Variants in MME observed in about 807,000 individuals in gnomAD.
MME encodes neprilysin.
In MME, 98 loss-of-function variants were observed where a neutral mutation model predicts 113.2. The observed-to-expected ratio is 0.87, with a 90% CI of 0.74 to 1.02. MME has a LOEUF of 1.02. Ranked by LOEUF, MME falls within the 50% of genes least tolerant of loss-of-function variation. The pLI is 0.00. For synonymous variants in MME, 292 were observed against 300.6 expected (o/e 0.97, Z 0.30); for missense variants, 836 against 896.0 (o/e 0.93, Z 0.86).
At chr3:155,095,787 C>T (rs894156177) in intron 3 of MME, among the ~76,000 whole-genome samples, 2 of 152,094 alleles carry the variant, frequency 1.3e-5, no homozygotes, top group African/African-American at 4.8e-5. Flanking sequence ...AAATGAAAAC[C>T]TGGTCAGTGT....
rs1159044354 is a variant in MME, at chr3:155,170,364, C to T, written c.1980+1567C>T. Among the ~76,000 whole-genome samples, 3 of 152,142 alleles carry T rather than the reference C, an allele frequency of 2.0e-5. No homozygotes were observed. In the East Asian group the frequency reaches 5.8e-4, roughly 29 times the overall value. On this transcript the variant is annotated intron_variant, in intron 20 of 22. Transcript: ENST00000360490. Reference sequence around the variant, plus strand: ...CTGACCGCATTTTACCTCTTTGGGTCTGGATGTTCTTTTGTTCCTGTAAAT... The same window carrying T: ...CTGACCGCATTTTACCTCTTTGGGTTTGGATGTTCTTTTGTTCCTGTAAAT...
intron 6 of MME, 45 bp from the exon 7 acceptor site, chr3:155,116,823 T>C (rs775942102): frequency 5.8e-6 from 9 of 1,554,094 alleles, no homozygotes; most frequent in East Asian, 2.2e-5. Context: ...ATATCATTAG[T>C]GAACTAAAGC....
chr3:155,032,337 G>C (rs1289354612), intron 1 of MME, among the ~76,000 whole-genome samples: 1 of 152,114 alleles, frequency 6.6e-6, no homozygotes, highest in African/African-American at 2.4e-5. Context: ...TTTTTAAAAA[G>C]AAGTTGTTTC....
intron 1 of MME, among the ~76,000 whole-genome samples, chr3:155,038,403 A>C (rs1440339821): frequency 6.6e-6 from 1 of 150,622 alleles, no homozygotes; most frequent in Non-Finnish European, 1.5e-5. Context: ...AGTGTCTAGG[A>C]CCTTGCTGGT....
intron 9 of MME, among the ~76,000 whole-genome samples, chr3:155,139,649 G>A (rs1247933626): frequency 1.3e-5 from 2 of 152,158 alleles, no homozygotes; most frequent in Non-Finnish European, 2.9e-5. Flanking sequence ...CAGTCACAAA[G>A]GTCCATGATG....
At chr3:155,139,301 CTCTTGTATTAGAT>C (rs1398940938) in intron 9 of MME, among the ~76,000 whole-genome samples, 1 of 152,136 alleles carries the variant, frequency 6.6e-6, no homozygotes, top group African/African-American at 2.4e-5. Flanking sequence ...TATATTCTCA[CTCTTGTATTAGAT>C]TCTTGTATTA....
Position 155,031,693 on chromosome 3 carries a change from T to A in MME, c.-11+7369T>A, listed in dbSNP as rs1559886836. On this transcript the variant is annotated intron_variant, in intron 1 of 22. Transcript: ENST00000492661. Reference sequence around the variant, plus strand: ...TGTTTTTGAGACAGAGTTTCGCTCTTGTCGCCCAGGCTGAAGTGCAGTGGC... The same window carrying A: ...TGTTTTTGAGACAGAGTTTCGCTCTAGTCGCCCAGGCTGAAGTGCAGTGGC... Among the ~76,000 whole-genome samples, 3 of 152,316 alleles carry A rather than the reference T, an allele frequency of 2.0e-5. No individual in the cohort carries two copies. The South Asian group carries it at 6.2e-4, about 32-fold the overall frequency.
chr3:155,179,944 T>C (rs940737705), intron 22 of MME, among the ~76,000 whole-genome samples: 4 of 152,228 alleles, frequency 2.6e-5, no homozygotes, highest in African/African-American at 9.6e-5. Flanking sequence ...GAAATCATGA[T>C]TATATTCTTT....
intron 8 of MME, among the ~76,000 whole-genome samples, chr3:155,133,062 A>ATATATATATATATATATATATATATAT (rs376436889): frequency 4.0e-5 from 3 of 75,076 alleles, no homozygotes; most frequent in African/African-American, 2.0e-4. Flanking sequence ...AAAAAAAAAA[A>ATATATATATATATATATATATATATAT]ATATATATAT....
chr3:155,168,615 G>A lies in MME; in HGVS notation c.1904G>A (p.Gly635Asp), dbSNP rs151302020. 5.6e-6 allele frequency: 9 copies of A among 1,613,758 alleles called. No homozygotes were observed. In the African/African-American group the frequency reaches 9.3e-5, roughly 17 times the overall value. Reference protein sequence around the residue: ...QYGNFSWDLAGGQHLNGINTL... With the variant: ...QYGNFSWDLADGQHLNGINTL... ...GGAAACTTTTCCTGGGACCTGGCAGGTGGACAGCACGTATGTCATTAGCAT... is the reference window on the plus strand; with the variant it reads ...GGAAACTTTTCCTGGGACCTGGCAGATGGACAGCACGTATGTCATTAGCAT... Residue 635 changes from glycine to aspartate, a missense_variant, in exon 19 of 23, where the codon GGT becomes GAT. Physicochemically the swap from Gly to Asp is moderately conservative, Grantham distance 94 (BLOSUM62 -1). Transcript: ENST00000360490.
At chr3:155,103,411 G>T (rs1334636666) in intron 3 of MME, among the ~76,000 whole-genome samples, 1 of 152,122 alleles carries the variant, frequency 6.6e-6, no homozygotes, top group African/African-American at 2.4e-5. Flanking sequence ...CAGTATTTCT[G>T]TATCAAGCCT....
rs372742334 is a variant in MME, at chr3:155,143,400, C to G, written c.1189-43C>G. 3 of 1,604,252 alleles carry G rather than the reference C, an allele frequency of 1.9e-6. No homozygotes were observed. The African/African-American group carries it at 4.0e-5, about 22-fold the overall frequency. The stretch of plus-strand genomic sequence containing the variant: ...TGTGTGCTCTTAACATGCTCCAGAC[C>G]TTTCCTTCTGGTCAAATGCCATTTC... On this transcript the variant is annotated intron_variant, in intron 12 of 22. Transcript: ENST00000360490.
At chr3:155,087,085 A>C (rs1370358714) in intron 3 of MME, among the ~76,000 whole-genome samples, 1 of 146,926 alleles carries the variant, frequency 6.8e-6, no homozygotes, top group Admixed American at 6.9e-5. Context: ...CAGTCCTCCT[A>C]CTTGTCTTCC....
chr3:155,124,614 T>C (rs1393730469), intron 8 of MME, among the ~76,000 whole-genome samples: 1 of 152,112 alleles, frequency 6.6e-6, no homozygotes, highest in African/African-American at 2.4e-5. Flanking sequence ...ATGTCCTTTC[T>C]GTTTGTTAGT....
chr3:155,162,441 C>A (rs923910287), intron 17 of MME, among the ~76,000 whole-genome samples: 1 of 152,164 alleles, frequency 6.6e-6, no homozygotes, highest in South Asian at 2.1e-4. Context: ...ACAAAATAAA[C>A]AATAATCCTC....
chr3:155,181,367 A>G lies in MME; in HGVS notation c.*908A>G, dbSNP rs183043879. ...TTAAACTTATAAATCATATTGATGAAAAGATTTAAGCACAAACTTTAGGGT... is the reference window on the plus strand; with the variant it reads ...TTAAACTTATAAATCATATTGATGAGAAGATTTAAGCACAAACTTTAGGGT... On this transcript the variant is annotated 3_prime_UTR_variant, in exon 23 of 23. Transcript: ENST00000360490. 6.6e-6 allele frequency: 1 copy of G among 152,234 alleles called. No individual in the cohort carries two copies. Among genetic ancestry groups the G allele is most frequent in the East Asian group, 1.9e-4 (1 of 5,174 alleles). 9.4% of individuals were successfully genotyped at this position (152,234 alleles called of 1,614,324 possible).
intron 1 of MME, among the ~76,000 whole-genome samples, chr3:155,051,123 T>C (rs1290930843): frequency 6.6e-6 from 1 of 152,226 alleles, no homozygotes; most frequent in East Asian, 1.9e-4. Flanking sequence ...CAGAGTTTGA[T>C]GATTTGGAAA....
At chr3:155,145,222 T>A (rs770673175) in intron 14 of MME, among the ~76,000 whole-genome samples, 8 of 152,144 alleles carry the variant, frequency 5.3e-5, no homozygotes, top group Admixed American at 1.3e-4. Context: ...TTTGCTCCTT[T>A]CATGTCACAG....
At chr3:155,126,092 A>T (rs1719627795) in intron 8 of MME, among the ~76,000 whole-genome samples, 1 of 152,232 alleles carries the variant, frequency 6.6e-6, no homozygotes, top group Non-Finnish European at 1.5e-5. Context: ...ATATATCATC[A>T]AAGGCCACAA....
Sources: allele counts gnomAD v4.1 joint callset (sites outside exome capture counted in the v4.1 genomes callset), GRCh38; gene constraint gnomAD v4.1.1; transcripts MANE v1.5; gene names NCBI Gene and HGNC (gene_info 2026-07-23, HGNC 2026-07-21).